The following DEPDC5 variants were observed in gnomAD, a reference collection of about 807,000 sequenced individuals.
DEPDC5 encodes DEP domain containing 5, GATOR1 subcomplex subunit, also known as GATOR1 complex protein DEPDC5.
In DEPDC5, 73 loss-of-function variants were observed where a neutral mutation model predicts 217.3. That is an observed-to-expected ratio of 0.34 (90% CI 0.28 to 0.41). The LOEUF (loss-of-function observed/expected upper bound fraction) is 0.41, where lower values mean the gene tolerates loss of function less well. DEPDC5 is among the 10% of genes least tolerant of loss of function. The pLI is 1.00. For missense variants in DEPDC5, 1,675 were observed against 2,070.1 expected, an observed-to-expected ratio of 0.81 and a Z score of 3.70; for synonymous variants, 733 against 756.7, an observed-to-expected ratio of 0.97 and a Z score of 0.51.
At chr22:31,797,499 C>G (rs975664975) in intron 12 of DEPDC5, 101 bp from the exon 13 acceptor site, 3 of 933,898 alleles carry the variant, frequency 3.2e-6, no homozygotes, top group African/African-American at 3.2e-5. Context: ...GTTCCTCCCT[C>G]GACACATGGG....
At chr22:31,790,747 C>CTTTT (rs558878199) in intron 10 of DEPDC5, among the ~76,000 whole-genome samples, 7 of 128,206 alleles carry the variant, frequency 5.5e-5, no homozygotes, top group Non-Finnish European at 8.1e-5. Context: ...TTTTTTTTTT[C>CTTTT]TTTTTTTTTT....
At chr22:31,822,899 G>A in intron 24 of DEPDC5, 109 bp downstream of exon 24, 1 of 1,156,888 alleles carries the variant, frequency 8.6e-7, no homozygotes, top group Non-Finnish European at 1.3e-6. Flanking sequence ...GATCATTTCA[G>A]CCACACTTTT....
chr22:31,825,161 A>T (rs887491825), intron 24 of DEPDC5, among the ~76,000 whole-genome samples: 4 of 152,106 alleles, frequency 2.6e-5, no homozygotes, highest in Non-Finnish European at 5.9e-5. Flanking sequence ...TGGTTAACTG[A>T]AGCAGGGGGA....
At chr22:31,881,015 A>C (rs2093159588) in intron 38 of DEPDC5, among the ~76,000 whole-genome samples, 1 of 135,414 alleles carries the variant, frequency 7.4e-6, no homozygotes, top group South Asian at 2.3e-4. Context: ...ACTCCGTCTC[A>C]AAAAAAAAAA....
intron 2 of DEPDC5, among the ~76,000 whole-genome samples, chr22:31,756,126 G>A (rs1219043893): frequency 6.8e-6 from 1 of 147,186 alleles, no homozygotes; most frequent in South Asian, 2.1e-4. Flanking sequence ...CAGGCAATCC[G>A]CCCACCTTAG....
At chr22:31,845,607 A>G (rs1363423951) in intron 30 of DEPDC5, among the ~76,000 whole-genome samples, 3 of 152,154 alleles carry the variant, frequency 2.0e-5, no homozygotes, top group Non-Finnish European at 4.4e-5. Context: ...TTCTTGCTCC[A>G]GAGTTCCCAG....
chr22:31,874,133 T>C (rs1409437711), intron 35 of DEPDC5, 140 bp from the exon 36 acceptor site: 2 of 1,318,718 alleles, frequency 1.5e-6, no homozygotes. Context: ...GGTGTTTCTC[T>C]GAGTCTAGGA....
intron 31 of DEPDC5, among the ~76,000 whole-genome samples, chr22:31,856,592 G>A (rs968500388): frequency 2.6e-5 from 4 of 152,136 alleles, no homozygotes; most frequent in South Asian, 2.1e-4. Context: ...CATCAGAACC[G>A]AGATGGGGTG....
In DEPDC5 at chr22:31,765,071, GTTT is replaced by G. The variant is rs755269620; in HGVS notation, c.279+13_279+15del. The stretch of plus-strand genomic sequence containing the variant: ...GTCGTAGACCCTAAGGTATGTCTTT[GTTT>G]TGTACTTGAATATCTTTTTGGAATA... On this transcript the variant is annotated intron_variant, in intron 5 of 42. Coordinates refer to ENST00000651528, the MANE Select transcript of DEPDC5 (RefSeq NM_001242896.3). 4 of 1,605,400 alleles carry G rather than the reference GTTT, an allele frequency of 2.5e-6. No homozygotes were observed. In the African/African-American group the frequency reaches 5.4e-5, roughly 21 times the overall value.
intron 41 of DEPDC5, 133 bp downstream of exon 41, chr22:31,901,935 T>A (rs1311467309): frequency 4.0e-6 from 3 of 757,366 alleles, no homozygotes; most frequent in Non-Finnish European, 6.7e-6. Context: ...ATTCACTGCT[T>A]ATCTCCAACA....
chr22:31,812,145 C>T (rs1261465347), intron 20 of DEPDC5, among the ~76,000 whole-genome samples: 2 of 151,628 alleles, frequency 1.3e-5, no homozygotes, highest in Non-Finnish European at 2.9e-5. Flanking sequence ...TGCACCACCA[C>T]ACTCGGCTAA....
At chr22:31,834,190 G>A (rs2090820293) in intron 25 of DEPDC5, 4 of 590,706 alleles carry the variant, frequency 6.8e-6, no homozygotes, top group Non-Finnish European at 1.2e-5. Context: ...TGTTTTGGAA[G>A]GTGATTCAGG....
intron 10 of DEPDC5, among the ~76,000 whole-genome samples, chr22:31,787,019 A>G (rs898313745): frequency 6.6e-6 from 1 of 151,588 alleles, no homozygotes; most frequent in African/African-American, 2.4e-5. Flanking sequence ...ACCTCAGGTG[A>G]TCCGCCTGCC....
In DEPDC5 at chr22:31,893,603, G is replaced by C; in HGVS notation, c.4055G>C (p.Arg1352Thr). The C allele has an allele frequency of 6.2e-7, 1 of 1,611,514 alleles. No homozygotes were observed. Among genetic ancestry groups the C allele is most frequent in the Non-Finnish European group, 8.5e-7 (1 of 1,178,908 alleles). ...ALLAATVPEQ[R>T]TVTLDVDVNN... is the part of the protein sequence containing the mutation. ...ATAGCTGCCACTGTCCCAGAGCAGA[G>C]GACTGTGACCCTGGATGTTGACGTG... is the stretch of plus-strand genomic sequence containing the variant. Residue 1352 changes from arginine (R) to threonine (T), a missense_variant, in exon 39 of 43, where the codon AGG (arginine) becomes ACG (threonine). Physicochemically the swap from Arg to Thr is moderately conservative, Grantham distance 71. This residue lies in a region of DEPDC5 where 182 missense variants were observed against 290.1 expected (regional missense o/e 0.63). Coordinates refer to ENST00000651528, the MANE Select transcript of DEPDC5 (RefSeq NM_001242896.3).
chr22:31,874,496 A>G, intron 36 of DEPDC5, 91 bp downstream of exon 36: 1 of 1,454,452 alleles, frequency 6.9e-7, no homozygotes, highest in Non-Finnish European at 9.1e-7. Context: ...TCCAGTAATG[A>G]GATCTGCAGG....
chr22:31,836,789 A>G (rs2091031227), intron 25 of DEPDC5, 183 bp from the exon 26 acceptor site: 1 of 610,866 alleles, frequency 1.6e-6, no homozygotes, highest in East Asian at 2.8e-5. Context: ...TGCATTGTCT[A>G]ACAAACTCTG....
At chr22:31,777,880 T>C in intron 7 of DEPDC5, 1 of 537,162 alleles carries the variant, frequency 1.9e-6, no homozygotes, top group South Asian at 2.1e-5. Context: ...CCTGAGTAGC[T>C]GGGACTACAG....
At position 31,809,720 on chromosome 22, in the gene DEPDC5, C is replaced by T. The variant is rs2088023738; in HGVS notation, c.1324+73C>T. On this transcript the variant is annotated intron_variant, in intron 19 of 42. Coordinates refer to ENST00000651528, the MANE Select transcript of DEPDC5 (RefSeq NM_001242896.3). ...GCTGGCTGGGTGCAGTGGCTCACGC[C>T]TATAATCCCAGCACTTTGGGAGGCC... is the stretch of plus-strand genomic sequence containing the variant. 7 of 1,533,764 alleles carry T rather than the reference C, an allele frequency of 4.6e-6. No homozygotes were observed. In the East Asian group the frequency reaches 1.6e-4, roughly 35 times the overall value.
intron 21 of DEPDC5, chr22:31,816,021 C>T (rs906883451): frequency 1.0e-4 from 100 of 985,648 alleles, no homozygotes; most frequent in Middle Eastern, 5.2e-4. Flanking sequence ...ATTTACCGGT[C>T]GGGCGCAGTG....
Sources: allele counts gnomAD v4.1 joint callset (sites outside exome capture counted in the v4.1 genomes callset), GRCh38; gene constraint gnomAD v4.1.1; regional missense constraint gnomAD v4.1.1; transcripts MANE v1.5; gene names NCBI Gene and HGNC (gene_info 2026-07-23, HGNC 2026-07-21).